The following PARS2 variants were observed in gnomAD, a reference collection of about 807,000 sequenced individuals.
PARS2 encodes the protein prolyl-tRNA synthetase 2, mitochondrial.
In PARS2, 20 loss-of-function variants were observed where a neutral mutation model predicts 27.4. The ratio of observed to expected loss-of-function variants is 0.73; its 90% CI spans 0.51 to 1.06. The LOEUF is 1.06. Ranked by LOEUF, PARS2 falls within the 50% of genes least tolerant of loss-of-function variation. The pLI, the probability that PARS2 is intolerant of heterozygous loss-of-function variation, is 0.00. For synonymous variants in PARS2, 240 were observed against 247.1 expected (o/e 0.97, Z 0.27); for missense variants, 585 against 602.1 (o/e 0.97, Z 0.30).
chr1:54,759,611 G>A (rs1646142613), intron 1 of PARS2, among the ~76,000 whole-genome samples: 1 of 152,152 alleles, frequency 6.6e-6, no homozygotes, highest in Admixed American at 6.5e-5. Context: ...ACACTTAGAA[G>A]AGTTATAAAA....
Position 54,758,169 on chromosome 1 carries a change from T to C in PARS2, c.993A>G (p.Lys331=), listed in dbSNP as rs1184911198. The C allele has an allele frequency of 6.2e-7, 1 of 1,614,190 alleles. No homozygotes were observed. Among genetic ancestry groups the C allele is most frequent in the Non-Finnish European group, 8.5e-7 (1 of 1,180,016 alleles). The part of the protein sequence containing the change: ...FNAQFTNVCG[K]PTLAEMGCYG... ...AGCACCCCATTTCAGCCAGGGTTGG[T>C]TTGCCACAGACATTGGTAAACTGGG... is the stretch of plus-strand genomic sequence containing the variant. Residue 331 remains lysine, a synonymous_variant, in exon 2 of 2, where the codon AAA becomes AAG. Coordinates refer to ENST00000371279, the MANE Select transcript of PARS2 (RefSeq NM_152268.4).
Position 54,757,594 on chromosome 1 carries a change from A to G in PARS2, c.*140T>C, listed in dbSNP as rs1646127717. On this transcript the variant is annotated 3_prime_UTR_variant, in exon 2 of 2. Coordinates refer to ENST00000371279, the MANE Select transcript of PARS2 (RefSeq NM_152268.4). ...AATCTGAACAAATGACTAGATAAAA[A>G]TTGATTTCCCTAACATGATCTCACC... 3 of 594,326 alleles carry G rather than the reference A, an allele frequency of 5.0e-6. No individual in the cohort carries two copies. The highest frequency in any genetic ancestry group is 8.9e-6 in the Non-Finnish European group (3 of 338,208). 36.8% of individuals were successfully genotyped at this position (594,326 alleles called of 1,614,324 possible). A position where few individuals can be genotyped will look rare whatever the true frequency, so the allele number is the denominator to read the frequency against.
Position 54,758,002 on chromosome 1 carries a change from G to A in PARS2, c.1160C>T (p.Ser387Phe), listed in dbSNP as rs1287883361. ...GTCGTACAGCTGCCCTATGAGCTCGGAGGCCGCCTGCTCCTTACTGCCCTT... is the reference window on the plus strand; with the variant it reads ...GTCGTACAGCTGCCCTATGAGCTCGAAGGCCGCCTGCTCCTTACTGCCCTT... The part of the protein sequence containing the change: ...PKKGSKEQAA[S>F]ELIGQLYDHI... Residue 387 changes from serine to phenylalanine, a missense_variant, in exon 2 of 2, where the codon TCC (serine) becomes TTC (phenylalanine). Ser to Phe is a radical substitution (Grantham distance 155). Transcript: ENST00000371279. The A allele has an allele frequency of 6.2e-7, 1 of 1,614,138 alleles. No homozygotes were observed. The highest frequency in any genetic ancestry group is 1.1e-5 in the South Asian group (1 of 91,078).
chr1:54,758,911 C>G lies in PARS2; in HGVS notation c.251G>C (p.Ser84Thr). The change falls in exon 2 of 2, where the codon AGC (serine) becomes ACC (threonine). Residue 84 changes from serine to threonine, a missense_variant. By Grantham distance (58) the Ser-to-Thr change is moderately conservative. Transcript: ENST00000371279. ...TGGCAGGAGGTGGTAACAGCCGGGG[C>G]TTGCTGGGTAGATCAGGCCCACCTG... ...MLQVGLIYPASPGCYHLLPYT... is the reference protein window; with the variant it reads ...MLQVGLIYPATPGCYHLLPYT... 1.2e-6 allele frequency: 2 copies of G among 1,614,168 alleles called. No homozygotes were observed. Among genetic ancestry groups the G allele is most frequent in the Admixed American group, 3.3e-5 (2 of 60,022 alleles).
At chr1:54,762,934 C>T (rs1228112400) in intron 1 of PARS2, among the ~76,000 whole-genome samples, 1 of 152,168 alleles carries the variant, frequency 6.6e-6, no homozygotes. Context: ...CCGTATTAGT[C>T]TCCAGCTAAA....
intron 1 of PARS2, among the ~76,000 whole-genome samples, chr1:54,761,288 C>T (rs1371475520): frequency 6.6e-6 from 1 of 152,144 alleles, no homozygotes; most frequent in Non-Finnish European, 1.5e-5. Context: ...TGTCTGTCTT[C>T]TCCCTGACAC....
chr1:54,758,756 A>G lies in PARS2; in HGVS notation c.406T>C (p.Leu136=), dbSNP rs1646137097. ...AGTCTTAGCAGCTCTTTGCCCATCAAGTCCCACCGGTTGGTGGCTTGCCAG... is the reference window on the plus strand; with the variant it reads ...AGTCTTAGCAGCTCTTTGCCCATCAGGTCCCACCGGTTGGTGGCTTGCCAG... ...ELWQATNRWD[L]MGKELLRLRD... is the part of the protein sequence containing the mutation. Residue 136 remains leucine (L), a synonymous_variant, in exon 2 of 2, where the codon TTG becomes CTG. Coordinates refer to ENST00000371279, the MANE Select transcript of PARS2 (RefSeq NM_152268.4). The G allele has an allele frequency of 1.2e-6, 2 of 1,613,992 alleles. No homozygotes were observed. Among genetic ancestry groups the G allele is most frequent in the Non-Finnish European group, 1.7e-6 (2 of 1,180,034 alleles).
intron 1 of PARS2, among the ~76,000 whole-genome samples, chr1:54,761,851 T>C (rs137997024): frequency 2.0e-5 from 3 of 152,326 alleles, no homozygotes; most frequent in East Asian, 3.9e-4. Flanking sequence ...TAGTGTGGTG[T>C]TGTAGGAACG....
In PARS2 at chr1:54,757,148, G is replaced by A. The variant is rs1646124220; in HGVS notation, c.*586C>T. On this transcript the variant is annotated 3_prime_UTR_variant, in exon 2 of 2. Coordinates refer to ENST00000371279, the MANE Select transcript of PARS2 (RefSeq NM_152268.4). ...TACAGATCTAGTTCTATTTTCTCAA[G>A]TTACAGATGGGGAAACTGAGGCCCC... 6.6e-6 allele frequency: 1 copy of A among 152,340 alleles called. No individual in the cohort carries two copies. The highest frequency in any genetic ancestry group is 1.5e-5 in the Non-Finnish European group (1 of 68,182). The allele number at this position is 152,340 out of a possible 1,614,324, so 9.4% of individuals were successfully genotyped here.
At position 54,758,688 on chromosome 1, in the gene PARS2, G is replaced by T; in HGVS notation, c.474C>A (p.His158Gln). 1 of 1,614,202 alleles carries T rather than the reference G, an allele frequency of 6.2e-7. No homozygotes were observed. Among genetic ancestry groups the T allele is most frequent in the Non-Finnish European group, 8.5e-7 (1 of 1,180,002 alleles). Residue 158 changes from histidine to glutamine, a missense_variant, in exon 2 of 2, where the codon CAC becomes CAA. Transcript: ENST00000371279. The stretch of plus-strand genomic sequence containing the variant: ...CAATTAAGGCCGTAATGGCTTCCTC[G>T]TGAGTTGGTCCTAAGCAGTATTCCT... ...HGKEYCLGPT[H>Q]EEAITALIAS...
chr1:54,759,961 G>A (rs543763061), intron 1 of PARS2, among the ~76,000 whole-genome samples: 8 of 151,884 alleles, frequency 5.3e-5, no homozygotes, highest in South Asian at 4.2e-4. Context: ...CTGAGACTAC[G>A]CCACTGCATT....
Position 54,758,849 on chromosome 1 carries a change from T to A in PARS2, c.313A>T (p.Ile105Leu), listed in dbSNP as rs746323251. Residue 105 changes from isoleucine (I) to leucine (L), a missense_variant, in exon 2 of 2, where the codon ATA becomes TTA. Ile to Leu is a conservative substitution (Grantham distance 5). Coordinates refer to ENST00000371279, the MANE Select transcript of PARS2 (RefSeq NM_152268.4). The stretch of plus-strand genomic sequence containing the variant: ...CCGATGGCCTGCATCTCCTGGTCTA[T>A]CACTCGCACGAGCTTCTCCATGGCA... ...VRAMEKLVRV[I>L]DQEMQAIGGQ... The A allele has an allele frequency of 4.3e-6, 7 of 1,614,210 alleles. No individual in the cohort carries two copies. In the East Asian group the frequency reaches 1.6e-4, roughly 36 times the overall value.
intron 1 of PARS2, among the ~76,000 whole-genome samples, chr1:54,760,683 A>C (rs1471494791): frequency 6.6e-6 from 1 of 152,116 alleles, no homozygotes; most frequent in Admixed American, 6.5e-5. Flanking sequence ...ATAAGGTCTA[A>C]GCTTCTGACT....
intron 1 of PARS2, 81 bp downstream of exon 1, chr1:54,764,380 T>C (rs1399934862): frequency 6.6e-6 from 1 of 152,244 alleles, no homozygotes. Context: ...GTCCTAGGTC[T>C]CCGCGCCCAC....
At chr1:54,764,214 A>G (rs938970137) in intron 1 of PARS2, among the ~76,000 whole-genome samples, 12 of 152,152 alleles carry the variant, frequency 7.9e-5, no homozygotes, top group Admixed American at 2.6e-4. Flanking sequence ...GCACTTCGAG[A>G]ACTGTGTGAC....
In PARS2 at chr1:54,758,356, C is replaced by T. The variant is rs373837284; in HGVS notation, c.806G>A (p.Arg269Gln). The T allele has an allele frequency of 1.2e-5, 20 of 1,614,042 alleles. No individual in the cohort carries two copies. The highest frequency in any genetic ancestry group is 1.6e-4 in the Middle Eastern group (1 of 6,084). The stretch of plus-strand genomic sequence containing the variant: ...GCTGCAGCGGGGACAGATGGCAAGC[C>T]GGTCCTCTCCAATATCCACTGGGAG... The part of the protein sequence containing the change: ...FQLPVDIGED[R>Q]LAICPRCSFS... Residue 269 changes from arginine (R) to glutamine (Q), a missense_variant, in exon 2 of 2, where the codon CGG becomes CAG. By Grantham distance (43) the Arg-to-Gln change is conservative (BLOSUM62 1). Transcript: ENST00000371279.
At chr1:54,761,427 T>C (rs541056544) in intron 1 of PARS2, among the ~76,000 whole-genome samples, 1 of 152,342 alleles carries the variant, frequency 6.6e-6, no homozygotes, top group South Asian at 2.1e-4. Context: ...ATCACACATT[T>C]CTAATGGCAG....
rs1553183771 is a variant in PARS2, at chr1:54,758,297, G to A, written c.865C>T (p.Gln289Ter). Residue 289 changes from glutamine (Q) to a stop codon, truncating the protein, a stop_gained, in exon 2 of 2, where the codon CAA (glutamine) becomes TAA (stop). Coordinates refer to ENST00000371279, the MANE Select transcript of PARS2 (RefSeq NM_152268.4). LOFTEE classifies it high-confidence loss of function. Reference protein sequence around the residue: ...SANMETLDLSQMNCPACQGPL... With the variant: ...SANMETLDLS ...CCCTGGCAAGCAGGGCAGTTCATTT[G>A]TGACAAGTCTAGTGTCTCCATGTTG... 6.2e-7 allele frequency: 1 copy of A among 1,614,222 alleles called. No individual in the cohort carries two copies. The highest frequency in any genetic ancestry group is 8.5e-7 in the Non-Finnish European group (1 of 1,180,042).
intron 1 of PARS2, among the ~76,000 whole-genome samples, chr1:54,760,616 C>A (rs1210001962): frequency 6.6e-6 from 1 of 152,194 alleles, no homozygotes; most frequent in Non-Finnish European, 1.5e-5. Flanking sequence ...GGGAGACTTC[C>A]CAAGCACAGA....
Sources: allele counts gnomAD v4.1 joint callset (sites outside exome capture counted in the v4.1 genomes callset), GRCh38; gene constraint gnomAD v4.1.1; transcripts MANE v1.5; gene names NCBI Gene and HGNC (gene_info 2026-07-23, HGNC 2026-07-21).